TCF4: variants seen among roughly 807,000 people sequenced by gnomAD.
TCF4 encodes SL3-3 enhancer factor 2.
A neutral mutation model predicts 82.1 loss-of-function variants in TCF4; 3 were observed. That is an observed-to-expected ratio of 0.04 (90% CI 0.02 to 0.09). The LOEUF is 0.09. TCF4 is among the 10% of genes least tolerant of loss of function. The pLI is 1.00. For synonymous variants in TCF4, 276 were observed against 309.6 expected, an observed-to-expected ratio of 0.89 and a Z score of 1.14; for missense variants, 518 against 852.7, an observed-to-expected ratio of 0.61 and a Z score of 4.89.
chr18:55,429,764 C>CAAAAAA lies in TCF4; in HGVS notation c.305-26252_305-26247dup, dbSNP rs35255242. Among the ~76,000 whole-genome samples, 287 of 57,136 alleles carry CAAAAAA rather than the reference C, an allele frequency of 5.0e-3. 32 individuals carry two copies. The highest frequency in any genetic ancestry group is 0.017 in the South Asian group (13 of 784). 37.5% of individuals were successfully genotyped at this position (57,136 alleles called of 152,430 possible). On this transcript the variant is annotated intron_variant, in intron 5 of 19. Coordinates refer to ENST00000354452, the MANE Select transcript of TCF4 (RefSeq NM_001083962.2). ...TGGGGGACAGAGCAAGACTCCATCT[C>CAAAAAA]AAAAAAAAAAAAAAAAAAAAAAAAA...
chr18:55,344,318 G>A (rs2080681553), intron 8 of TCF4, among the ~76,000 whole-genome samples: 1 of 152,102 alleles, frequency 6.6e-6, no homozygotes, highest in African/African-American at 2.4e-5. Flanking sequence ...AAATTATCAA[G>A]GCATTTATCT....
At chr18:55,343,366 A>T (rs1338718940) in intron 8 of TCF4, among the ~76,000 whole-genome samples, 1 of 152,110 alleles carries the variant, frequency 6.6e-6, no homozygotes, top group Non-Finnish European at 1.5e-5. Flanking sequence ...TTTAACACAC[A>T]CACAGTTCCT....
In TCF4 at chr18:55,226,695, G is replaced by GA. The variant is rs145712320; in HGVS notation, c.*1339dup. The GA allele has an allele frequency of 0.11, 16,381 of 148,760 alleles. 1,002 individuals are homozygous for GA. Among genetic ancestry groups the GA allele is most frequent in the African/African-American group, 0.13 (5,237 of 40,510 alleles). 9.2% of individuals were successfully genotyped at this position (148,760 alleles called of 1,614,324 possible). A position where few individuals can be genotyped will look rare whatever the true frequency, so the allele number is the denominator to read the frequency against. ...ATCTACATTTTAGTAAACCCATTTT[G>GA]AAAAAAAAAATCAAGAAAGCAACAA... On this transcript the variant is annotated 3_prime_UTR_variant, in exon 20 of 20. Transcript: ENST00000354452.
chr18:55,474,517 A>G (rs1186014697), intron 3 of TCF4, among the ~76,000 whole-genome samples: 1 of 152,128 alleles, frequency 6.6e-6, no homozygotes, highest in Non-Finnish European at 1.5e-5. Context: ...ATTTATTGGT[A>G]CCTGACCAAT....
chr18:55,347,615 C>A (rs1194987235), intron 8 of TCF4, among the ~76,000 whole-genome samples: 1 of 152,186 alleles, frequency 6.6e-6, no homozygotes, highest in Non-Finnish European at 1.5e-5. Context: ...CAGGGCTAGG[C>A]AATCCCCTCT....
At chr18:55,584,432 G>A (rs143722008) in intron 3 of TCF4, among the ~76,000 whole-genome samples, 8 of 152,062 alleles carry the variant, frequency 5.3e-5, no homozygotes, top group African/African-American at 1.7e-4. Context: ...AGGATAGCAG[G>A]CAACAATGTA....
At chr18:55,254,940 G>A (rs551004281) in intron 14 of TCF4, among the ~76,000 whole-genome samples, 1 of 152,108 alleles carries the variant, frequency 6.6e-6, no homozygotes, top group Admixed American at 6.5e-5. Context: ...ATTATTCCAG[G>A]ACATTATAAC....
intron 8 of TCF4, among the ~76,000 whole-genome samples, chr18:55,335,464 G>C (rs2078432429): frequency 6.6e-6 from 1 of 152,176 alleles, no homozygotes; most frequent in Admixed American, 6.5e-5. Flanking sequence ...GAAATCAGCT[G>C]TTTATGCTTT....
At chr18:55,535,527 C>T (rs1432947002) in intron 3 of TCF4, among the ~76,000 whole-genome samples, 1 of 152,178 alleles carries the variant, frequency 6.6e-6, no homozygotes, top group Non-Finnish European at 1.5e-5. Flanking sequence ...AAAATTATAA[C>T]ACTACCAAGC....
intron 8 of TCF4, chr18:55,322,423 AAG>A (rs1309408998): frequency 2.3e-6 from 2 of 876,516 alleles, no homozygotes; most frequent in Non-Finnish European, 1.3e-6. Context: ...AAGGGGAGGG[AAG>A]AAAAAAAAAA....
chr18:55,339,418 C>T (rs773855928), intron 8 of TCF4, among the ~76,000 whole-genome samples: 5 of 152,166 alleles, frequency 3.3e-5, no homozygotes, highest in Non-Finnish European at 7.4e-5. Flanking sequence ...AAACCAATAT[C>T]CTTTGTAATC....
At chr18:55,631,377 A>G (rs2097731476) in exon 2 of TCF4, 5 of 1,548,330 alleles carry the variant, frequency 3.2e-6, no homozygotes, top group Non-Finnish European at 4.4e-6. Flanking sequence ...ATTGGTGTTT[A>G]CAAAACATTT....
intron 10 of TCF4, among the ~76,000 whole-genome samples, chr18:55,271,738 G>A (rs1323769220): frequency 2.0e-5 from 3 of 151,996 alleles, no homozygotes; most frequent in Non-Finnish European, 4.4e-5. Context: ...GGTAGTCCAT[G>A]GAATTTTCTC....
chr18:55,567,746 A>T (rs887738742), intron 3 of TCF4, among the ~76,000 whole-genome samples: 1 of 152,118 alleles, frequency 6.6e-6, no homozygotes, highest in Non-Finnish European at 1.5e-5. Context: ...ACAAGCTTTA[A>T]TTTCTGGACA....
intron 5 of TCF4, among the ~76,000 whole-genome samples, chr18:55,429,649 T>C (rs1219812349): frequency 6.7e-6 from 1 of 149,778 alleles, no homozygotes; most frequent in African/African-American, 2.5e-5. Flanking sequence ...TGGTCCCAGC[T>C]ACTCGGGAGG....
At chr18:55,435,531 G>C (rs1221255159) in intron 5 of TCF4, among the ~76,000 whole-genome samples, 2 of 152,234 alleles carry the variant, frequency 1.3e-5, no homozygotes, top group Non-Finnish European at 2.9e-5. Flanking sequence ...ACATAGTGCT[G>C]AGTATGTATT....
chr18:55,570,769 A>C (rs2097456360), intron 3 of TCF4, among the ~76,000 whole-genome samples: 1 of 151,492 alleles, frequency 6.6e-6, no homozygotes, highest in African/African-American at 2.4e-5. Flanking sequence ...TGGTCCTGCT[A>C]CCCGGGAGGC....
At chr18:55,605,609 G>A (rs1228777348) in intron 2 of TCF4, among the ~76,000 whole-genome samples, 1 of 152,130 alleles carries the variant, frequency 6.6e-6, no homozygotes, top group Non-Finnish European at 1.5e-5. Context: ...TGATTAACTG[G>A]AAACATAAAA....
At chr18:55,351,998 T>G in intron 6 of TCF4, 3 of 708,992 alleles carry the variant, frequency 4.2e-6, no homozygotes, top group Non-Finnish European at 5.2e-6. Flanking sequence ...AACTAATTAC[T>G]GTCCTTGATA....
Sources: allele counts gnomAD v4.1 joint callset (sites outside exome capture counted in the v4.1 genomes callset), GRCh38; gene constraint gnomAD v4.1.1; transcripts MANE v1.5; gene names NCBI Gene and HGNC (gene_info 2026-07-23, HGNC 2026-07-21).